MCM2: variants seen among roughly 807,000 people sequenced by gnomAD.
MCM2 encodes DNA replication licensing factor MCM2.
Under a neutral mutation model 86.4 loss-of-function variants are expected in MCM2, and 49 were observed. That is an observed-to-expected ratio of 0.57 (90% confidence interval 0.45 to 0.72). The LOEUF is 0.72. MCM2 is among the 30% of genes least tolerant of loss of function. The pLI is 0.00. For synonymous variants in MCM2, 475 were observed against 484.6 expected, an observed-to-expected ratio of 0.98 and a Z score of 0.26; for missense variants, 1,038 against 1,259.9, an observed-to-expected ratio of 0.82 and a Z score of 2.67.
intron 2 of MCM2, among the ~76,000 whole-genome samples, chr3:127,601,036 G>A (rs977799590): frequency 1.3e-5 from 2 of 152,140 alleles, no homozygotes; most frequent in African/African-American, 4.8e-5. Flanking sequence ...GGTCCCTCCT[G>A]CCTGCTTATA....
At position 127,606,941 on chromosome 3, in the gene MCM2, G is replaced by T; in HGVS notation, c.1101+124G>T. 3 of 946,842 alleles carry T rather than the reference G, an allele frequency of 3.2e-6. No homozygotes were observed. The highest frequency in any genetic ancestry group is 3.0e-5 in the South Asian group (2 of 66,560). The allele number at this position is 946,842 out of a possible 1,614,324, so 58.7% of individuals were successfully genotyped here. A position where few individuals can be genotyped will look rare whatever the true frequency, so the allele number is the denominator to read the frequency against. On this transcript the variant is annotated intron_variant, in intron 6 of 15. Coordinates refer to ENST00000265056, the MANE Select transcript of MCM2 (RefSeq NM_004526.4). The surrounding 1 kb of genome is among the most constrained non-coding windows in gnomAD (Gnocchi z 4.2). Reference sequence around the variant, plus strand: ...GCCGCAAGAAGCAAGATAGAATTGTGTGTTGGCCACACCCTGGGGTGGACC... The same window carrying T: ...GCCGCAAGAAGCAAGATAGAATTGTTTGTTGGCCACACCCTGGGGTGGACC...
Position 127,621,245 on chromosome 3 carries a change from G to C in MCM2, c.2604+17G>C. 6.2e-7 allele frequency: 1 copy of C among 1,613,382 alleles called. No individual in the cohort carries two copies. The highest frequency in any genetic ancestry group is 8.5e-7 in the Non-Finnish European group (1 of 1,179,830). ...GTGGATAAGGTATGGGCCCGGAAGGGAGGTGAGGGTTGGGGTATGCTGACT... is the reference window on the plus strand; with the variant it reads ...GTGGATAAGGTATGGGCCCGGAAGGCAGGTGAGGGTTGGGGTATGCTGACT... On this transcript the variant is annotated intron_variant, in intron 15 of 15. Transcript: ENST00000265056.
chr3:127,608,243 G>T (rs2074364927), intron 6 of MCM2, 139 bp from the exon 7 acceptor site: 2 of 1,053,320 alleles, frequency 1.9e-6, no homozygotes, highest in South Asian at 2.9e-5. Context: ...GAGTCGCCAT[G>T]AACTCATTCC....
chr3:127,608,487 G>C lies in MCM2; in HGVS notation c.1207G>C (p.Val403Leu). 1 of 1,614,232 alleles carries C rather than the reference G, an allele frequency of 6.2e-7. No individual in the cohort carries two copies. Among genetic ancestry groups the C allele is most frequent in the Non-Finnish European group, 8.5e-7 (1 of 1,180,046 alleles). Reference sequence around the variant, plus strand: ...GGACGCCATTCTCCTCGCAGATCTGGTGGACAGCTGCAAGCCAGGAGACGA... The same window carrying C: ...GGACGCCATTCTCCTCGCAGATCTGCTGGACAGCTGCAAGCCAGGAGACGA... ...SKDAILLADLVDSCKPGDEIE... is the reference protein window; with the variant it reads ...SKDAILLADLLDSCKPGDEIE... The change falls in exon 7 of 16, where the codon GTG becomes CTG. Residue 403 changes from valine to leucine, a missense_variant. Around this residue, in one of 4 missense-constraint regions of MCM2, gnomAD observed 399 missense variants for 507.2 expected, o/e 0.79. Transcript: ENST00000265056.
chr3:127,618,208 T>G lies in MCM2; in HGVS notation c.2013+127T>G, dbSNP rs1367782802. On this transcript the variant is annotated intron_variant, in intron 12 of 15. Coordinates refer to ENST00000265056, the MANE Select transcript of MCM2 (RefSeq NM_004526.4). This position sits in a 1 kb window ranked among gnomAD's most constrained non-coding sequence, Gnocchi z 4.0. ...GGGGCCATAGGCTGTTTTCTAGTCC[T>G]GTTCCCTCGGTCTCTTCTCATGTCC... 3 of 723,440 alleles carry G rather than the reference T, an allele frequency of 4.1e-6. No homozygotes were observed. The highest frequency in any genetic ancestry group is 7.3e-6 in the Non-Finnish European group (3 of 409,310). 44.8% of individuals were successfully genotyped at this position (723,440 alleles called of 1,614,324 possible).
At chr3:127,598,590 C>T in intron 1 of MCM2, 118 bp downstream of exon 1, 2 of 1,355,492 alleles carry the variant, frequency 1.5e-6, no homozygotes, top group Non-Finnish European at 2.0e-6. Flanking sequence ...GCCCCAGGCT[C>T]TGGGGCGCAG....
chr3:127,621,619 G>A, intron 15 of MCM2, 44 bp from the exon 16 acceptor site: 1 of 1,329,666 alleles, frequency 7.5e-7, no homozygotes, highest in Non-Finnish European at 1.1e-6. Context: ...GAAACAGCCT[G>A]TTCTCACACC....
Position 127,604,939 on chromosome 3 carries a change from C to T in MCM2, c.456C>T (p.Arg152=), listed in dbSNP as rs2074334470. The T allele has an allele frequency of 6.2e-7, 1 of 1,613,562 alleles. No individual in the cohort carries two copies. Among genetic ancestry groups the T allele is most frequent in the Non-Finnish European group, 8.5e-7 (1 of 1,179,832 alleles). The change falls in exon 4 of 16, where the codon CGC becomes CGT. Residue 152 remains arginine (R), a synonymous_variant. Coordinates refer to ENST00000265056, the MANE Select transcript of MCM2 (RefSeq NM_004526.4). ...AGGAGCGCCCTGCCCGCAAGCGCCG[C>T]CAGGTGGAGCGGGCCACGGAGGACG... ...EDEERPARKR[R]QVERATEDGE...
intron 1 of MCM2, 118 bp downstream of exon 1, chr3:127,598,590 C>G (rs1217547439): frequency 1.5e-6 from 2 of 1,355,374 alleles, no homozygotes; most frequent in Non-Finnish European, 2.0e-6. Flanking sequence ...GCCCCAGGCT[C>G]TGGGGCGCAG....
chr3:127,618,905 G>A lies in MCM2; in HGVS notation c.2014-122G>A. On this transcript the variant is annotated intron_variant, in intron 12 of 15. Coordinates refer to ENST00000265056, the MANE Select transcript of MCM2 (RefSeq NM_004526.4). The surrounding 1 kb of genome is among the most constrained non-coding windows in gnomAD (Gnocchi z 4.0). ...CAGAACTGCCTGGCACATGGTCAGT[G>A]TAGTCAGTCTTGTTGAAAGAGTGTC... The A allele has an allele frequency of 1.7e-6, 2 of 1,153,458 alleles. No homozygotes were observed. The highest frequency in any genetic ancestry group is 2.4e-6 in the Non-Finnish European group (2 of 839,974). The allele number at this position is 1,153,458 out of a possible 1,614,324, so 71.5% of individuals were successfully genotyped here.
rs749434526 is a variant in MCM2, at chr3:127,621,248, G to A, written c.2604+20G>A. ...GATAAGGTATGGGCCCGGAAGGGAG[G>A]TGAGGGTTGGGGTATGCTGACTTGG... On this transcript the variant is annotated intron_variant, in intron 15 of 15. Transcript: ENST00000265056. 3 of 1,613,180 alleles carry A rather than the reference G, an allele frequency of 1.9e-6. No homozygotes were observed. The highest frequency in any genetic ancestry group is 1.7e-6 in the Non-Finnish European group (2 of 1,179,770).
In MCM2 at chr3:127,622,288, C is replaced by T. The variant is rs774257497; in HGVS notation, c.*515C>T. On this transcript the variant is annotated 3_prime_UTR_variant, in exon 16 of 16. Coordinates refer to ENST00000265056, the MANE Select transcript of MCM2 (RefSeq NM_004526.4). ...AGCGCAGCGTTCTGGGCTCCTCAGT[C>T]GCAGGGGTGGGATGTGAGTCATGCG... 7 of 152,600 alleles carry T rather than the reference C, an allele frequency of 4.6e-5. No individual in the cohort carries two copies. Among genetic ancestry groups the T allele is most frequent in the African/African-American group, 1.2e-4 (5 of 41,468 alleles). The allele number at this position is 152,600 out of a possible 1,614,324, so 9.5% of individuals were successfully genotyped here. A position where few individuals can be genotyped will look rare whatever the true frequency, so the allele number is the denominator to read the frequency against.
At position 127,606,963 on chromosome 3, in the gene MCM2, G is replaced by A. The variant is rs2074356621; in HGVS notation, c.1101+146G>A. 2 of 770,630 alleles carry A rather than the reference G, an allele frequency of 2.6e-6. No individual in the cohort carries two copies. The highest frequency in any genetic ancestry group is 4.3e-6 in the Non-Finnish European group (2 of 468,924). 47.7% of individuals were successfully genotyped at this position (770,630 alleles called of 1,614,324 possible). On this transcript the variant is annotated intron_variant, in intron 6 of 15. Coordinates refer to ENST00000265056, the MANE Select transcript of MCM2 (RefSeq NM_004526.4). This position sits in a 1 kb window ranked among gnomAD's most constrained non-coding sequence, Gnocchi z 4.2. The stretch of plus-strand genomic sequence containing the variant: ...TGTGTGTTGGCCACACCCTGGGGTG[G>A]ACCCAGTCTGTCTGGCCAGTGGACT...
rs908110743 is a variant in MCM2 at position 127,618,400 on chromosome 3, A to G, written c.2013+319A>G. On this transcript the variant is annotated intron_variant, in intron 12 of 15. Transcript: ENST00000265056. The surrounding 1 kb of genome is among the most constrained non-coding windows in gnomAD (Gnocchi z 4.0). ...CATCTGAACTGGCCTCCTGGCACCC[A>G]TGTAGACTGTCTTCCAGTTGAAGGC... is the stretch of plus-strand genomic sequence containing the variant. 3.3e-5 allele frequency among the ~76,000 whole-genome samples: 5 copies of G among 152,058 alleles called. No homozygotes were observed. The highest frequency in any genetic ancestry group is 7.4e-5 in the Non-Finnish European group (5 of 68,024).
In MCM2 at chr3:127,598,573, A is replaced by T. The variant is rs2074276061; in HGVS notation, c.6+101A>T. Reference sequence around the variant, plus strand: ...CCGGCCCAGGGCGGCGCTCTGGGTGAGGCTGGGCCCCAGGCTCTGGGGCGC... The same window carrying T: ...CCGGCCCAGGGCGGCGCTCTGGGTGTGGCTGGGCCCCAGGCTCTGGGGCGC... On this transcript the variant is annotated intron_variant, in intron 1 of 15. Coordinates refer to ENST00000265056, the MANE Select transcript of MCM2 (RefSeq NM_004526.4). 1.6e-5 allele frequency: 23 copies of T among 1,457,390 alleles called. No homozygotes were observed. The Middle Eastern group carries it at 2.3e-3, about 149-fold the overall frequency. 90.3% of individuals were successfully genotyped at this position (1,457,390 alleles called of 1,614,324 possible). A position where few individuals can be genotyped will look rare whatever the true frequency, so the allele number is the denominator to read the frequency against.
At chr3:127,601,425 A>G (rs1441146115) in intron 2 of MCM2, among the ~76,000 whole-genome samples, 2 of 152,146 alleles carry the variant, frequency 1.3e-5, no homozygotes, top group Admixed American at 1.3e-4. Context: ...TAGTGGCACA[A>G]TCTCAGCTCA....
chr3:127,608,371 G>A lies in MCM2; in HGVS notation c.1102-11G>A. 1.2e-6 allele frequency: 2 copies of A among 1,613,878 alleles called. No homozygotes were observed. Among genetic ancestry groups the A allele is most frequent in the South Asian group, 2.2e-5 (2 of 91,070 alleles). On this transcript the variant is annotated splice_polypyrimidine_tract_variant and intron_variant, in intron 6 of 15. Transcript: ENST00000265056. Reference sequence around the variant, plus strand: ...GTCAGTGATTTGAGGCCTTCTGTGTGTCCCTCGCAGACCATCTATCAGAAC... The same window carrying A: ...GTCAGTGATTTGAGGCCTTCTGTGTATCCCTCGCAGACCATCTATCAGAAC...
Position 127,605,041 on chromosome 3 carries a change from G to A in MCM2, c.558G>A (p.Val186=). The change falls in exon 4 of 16, where the codon GTG becomes GTA. Residue 186 remains valine (V), a synonymous_variant. Coordinates refer to ENST00000265056, the MANE Select transcript of MCM2 (RefSeq NM_004526.4). ...DLKGHSVREW[V]SMAGPRLEIH... is the part of the protein sequence containing the mutation. ...AAGGCCACTCTGTGCGCGAGTGGGT[G>A]AGCATGGCGGGCCCCCGGCTGGAGA... 6.2e-7 allele frequency: 1 copy of A among 1,614,166 alleles called. No homozygotes were observed.
intron 13 of MCM2, 30 bp from the exon 14 acceptor site, chr3:127,620,668 T>A (rs1299579891): frequency 6.5e-7 from 1 of 1,545,828 alleles, no homozygotes; most frequent in Non-Finnish European, 8.8e-7. Context: ...TTCCTGCCCG[T>A]GAAAGACCTG....
Sources: allele counts gnomAD v4.1 joint callset (sites outside exome capture counted in the v4.1 genomes callset), GRCh38; gene constraint gnomAD v4.1.1; regional missense constraint gnomAD v4.1.1; non-coding constraint Gnocchi (gnomAD v3.1); transcripts MANE v1.5; gene names NCBI Gene and HGNC (gene_info 2026-07-23, HGNC 2026-07-21).